The following FSTL1 variants were observed in gnomAD, a reference collection of about 807,000 sequenced individuals.
FSTL1 encodes follistatin-related protein 1.
In FSTL1, 24 loss-of-function variants were observed where a neutral mutation model predicts 45.9. The ratio of observed to expected loss-of-function variants is 0.52; its 90% CI spans 0.38 to 0.74. FSTL1 has a LOEUF of 0.74. FSTL1 is among the 30% of genes least tolerant of loss of function. FSTL1 has a pLI of 0.00. For missense variants in FSTL1, 340 were observed against 381.8 expected, an observed-to-expected ratio of 0.89 and a Z score of 0.91; for synonymous variants, 120 against 137.6, an observed-to-expected ratio of 0.87 and a Z score of 0.89.
At chr3:120,414,928 A>G (rs1325273473) in intron 3 of FSTL1, among the ~76,000 whole-genome samples, 1 of 150,686 alleles carries the variant, frequency 6.6e-6, no homozygotes, top group Non-Finnish European at 1.5e-5. Context: ...CCTTCCCTCC[A>G]CTATTGTCCT....
intron 4 of FSTL1, 23 bp from the exon 5 acceptor site, chr3:120,411,007 G>A (rs1469392079): frequency 6.3e-6 from 10 of 1,589,254 alleles, no homozygotes; most frequent in South Asian, 2.3e-5. Context: ...AAGAGAAAAC[G>A]TGTAATGCGA....
At chr3:120,440,952 G>C (rs1937621654) in intron 2 of FSTL1, among the ~76,000 whole-genome samples, 1 of 152,222 alleles carries the variant, frequency 6.6e-6, no homozygotes, top group South Asian at 2.1e-4. Context: ...TGTGAGGCTG[G>C]CATCGGCCTG....
intron 2 of FSTL1, among the ~76,000 whole-genome samples, chr3:120,439,062 A>C (rs1241966108): frequency 6.6e-6 from 1 of 152,216 alleles, no homozygotes; most frequent in Non-Finnish European, 1.5e-5. Context: ...TGTGCTAAAA[A>C]GGCACAGAGC....
intron 2 of FSTL1, chr3:120,441,142 T>A (rs1937623245): frequency 6.6e-6 from 1 of 152,262 alleles, no homozygotes; most frequent in Non-Finnish European, 1.5e-5. Context: ...ATCCTATTCC[T>A]TTGCATTATC....
chr3:120,400,225 G>A (rs752255929), intron 9 of FSTL1: 2 of 455,832 alleles, frequency 4.4e-6, no homozygotes, highest in Non-Finnish European at 3.9e-6. Flanking sequence ...GCCAGAAGCT[G>A]GCCCTACAAA....
chr3:120,449,480 C>T (rs970654660), intron 2 of FSTL1, among the ~76,000 whole-genome samples: 5 of 152,168 alleles, frequency 3.3e-5, no homozygotes, highest in African/African-American at 4.8e-5. Context: ...GGGTAACCTT[C>T]GCTGACTCAA....
At chr3:120,440,373 G>C (rs1479911687) in intron 2 of FSTL1, among the ~76,000 whole-genome samples, 2 of 152,246 alleles carry the variant, frequency 1.3e-5, no homozygotes, top group Non-Finnish European at 2.9e-5. Context: ...ACAATGCTGA[G>C]TGGATGTTAC....
intron 10 of FSTL1, among the ~76,000 whole-genome samples, chr3:120,399,354 A>C (rs1009370480): frequency 6.6e-6 from 1 of 151,960 alleles, no homozygotes; most frequent in Admixed American, 6.6e-5. Context: ...TGGGAAGGAG[A>C]CTCTTTGTTA....
Position 120,416,048 on chromosome 3 carries a change from G to A in FSTL1, c.64-21C>T, listed in dbSNP as rs1298513883. The stretch of plus-strand genomic sequence containing the variant: ...TCTTCCTAAAACATACAATCATAAA[G>A]GAAACCGTGTGACTGAGATGAACCC... On this transcript the variant is annotated intron_variant, in intron 2 of 10. Coordinates refer to ENST00000295633, the MANE Select transcript of FSTL1 (RefSeq NM_007085.5). 8 of 1,518,468 alleles carry A rather than the reference G, an allele frequency of 5.3e-6. No individual in the cohort carries two copies. The East Asian group carries it at 1.6e-4, about 30-fold the overall frequency. 94.1% of individuals were successfully genotyped at this position (1,518,468 alleles called of 1,614,324 possible).
intron 3 of FSTL1, among the ~76,000 whole-genome samples, chr3:120,415,594 A>G (rs1183244894): frequency 1.3e-5 from 2 of 152,228 alleles, no homozygotes; most frequent in African/African-American, 2.4e-5. Flanking sequence ...TCAAATTGTT[A>G]ACGCTGGTTA....
chr3:120,403,983 C>CAACAACAACAACAACAA (rs1560011733), intron 7 of FSTL1, among the ~76,000 whole-genome samples: 1 of 74,054 alleles, frequency 1.4e-5, no homozygotes, highest in African/African-American at 5.9e-5. Context: ...CAAAAAAAAA[C>CAACAACAACAACAACAA]AAAAAACAAA....
chr3:120,429,500 G>A (rs1301085420), intron 2 of FSTL1, among the ~76,000 whole-genome samples: 1 of 152,180 alleles, frequency 6.6e-6, no homozygotes, highest in Non-Finnish European at 1.5e-5. Context: ...CCTATGGGAT[G>A]GGAAAATTTG....
At chr3:120,407,840 C>A (rs1456746138) in intron 6 of FSTL1, among the ~76,000 whole-genome samples, 2 of 152,210 alleles carry the variant, frequency 1.3e-5, no homozygotes, top group Non-Finnish European at 2.9e-5. Flanking sequence ...TGAGAATGTC[C>A]TAGAGAAGAG....
Position 120,402,886 on chromosome 3 carries a change from C to A in FSTL1, c.727G>T (p.Gly243Ter). Reference sequence around the variant, plus strand: ...TTACAGTCCACCTCGGTCTCAGCTCCATCTGCATACGTTTCATCCTCCAGG... The same window carrying A: ...TTACAGTCCACCTCGGTCTCAGCTCAATCTGCATACGTTTCATCCTCCAGG... ...CALEDETYAD[G>*]AETEVDCNRC... Residue 243 changes from glycine (G) to a stop codon, truncating the protein, a stop_gained, in exon 9 of 11, where the codon GGA becomes TGA. Coordinates refer to ENST00000295633, the MANE Select transcript of FSTL1 (RefSeq NM_007085.5). LOFTEE classifies it high-confidence loss of function. 1.2e-6 allele frequency: 2 copies of A among 1,613,272 alleles called. No homozygotes were observed. The highest frequency in any genetic ancestry group is 1.7e-6 in the Non-Finnish European group (2 of 1,179,238).
chr3:120,406,563 G>A (rs1351883411), intron 6 of FSTL1, among the ~76,000 whole-genome samples: 2 of 152,218 alleles, frequency 1.3e-5, no homozygotes, highest in Non-Finnish European at 2.9e-5. Flanking sequence ...CTGCAGCTGG[G>A]GGAAGGTCCA....
chr3:120,402,429 AAAT>A (rs1364687320), intron 9 of FSTL1, among the ~76,000 whole-genome samples: 8 of 151,878 alleles, frequency 5.3e-5, no homozygotes, highest in Admixed American at 1.3e-4. Flanking sequence ...GATTATTATT[AAAT>A]AATAATTATT....
intron 3 of FSTL1, among the ~76,000 whole-genome samples, chr3:120,415,556 T>C (rs943589483): frequency 1.3e-5 from 2 of 152,144 alleles, no homozygotes; most frequent in African/African-American, 4.8e-5. Context: ...TATAGTAACA[T>C]AGAAAAGAAA....
rs1336071561 is a variant in FSTL1 at position 120,450,748 on chromosome 3, T to A, written c.1-2A>T. The A allele has an allele frequency of 7.6e-6, 12 of 1,577,954 alleles. No homozygotes were observed. The highest frequency in any genetic ancestry group is 1.4e-5 in the African/African-American group (1 of 71,732). On this transcript the variant is annotated splice_acceptor_variant, in intron 1 of 10. Transcript: ENST00000295633. LOFTEE classifies it low-confidence loss of function (5UTR_SPLICE). ...GAGCGCGAGCCAGCGTTTCCACATC[T>A]GCGGAAGAGAGAAGAGAGCGAGTCT...
At chr3:120,414,457 C>T (rs1211006315) in intron 3 of FSTL1, among the ~76,000 whole-genome samples, 2 of 152,082 alleles carry the variant, frequency 1.3e-5, no homozygotes, top group Admixed American at 6.6e-5. Flanking sequence ...GTGAGGAGCC[C>T]CTCTGCCCGG....
Sources: gnomAD v4.1 joint callset for allele counts (sites outside exome capture counted in the v4.1 genomes callset) on GRCh38, gnomAD v4.1.1 for gene constraint, MANE v1.5 for transcripts, NCBI Gene and HGNC (gene_info 2026-07-23, HGNC 2026-07-21) for gene names.